Variants in BBS9 observed in about 807,000 individuals in gnomAD.
BBS9 encodes the protein protein PTHB1.
Under a neutral mutation model 117.7 loss-of-function variants are expected in BBS9, and 89 were observed. The ratio of observed to expected loss-of-function variants is 0.76; its 90% confidence interval spans 0.64 to 0.90. The LOEUF (loss-of-function observed/expected upper bound fraction) is 0.90, where lower values mean the gene tolerates loss of function less well. Ranked by LOEUF, BBS9 falls within the 40% of genes least tolerant of loss-of-function variation. The probability of loss-of-function intolerance (pLI) is 0.00; values close to 1 mark genes in which losing one functional copy is unlikely to be tolerated. For missense variants in BBS9, 982 were observed against 1,042.2 expected (o/e 0.94, Z 0.80); for synonymous variants, 379 against 370.9 (o/e 1.02, Z -0.25).
intron 21 of BBS9, among the ~76,000 whole-genome samples, chr7:33,624,293 A>T (rs1243525227): frequency 6.6e-6 from 1 of 152,108 alleles, no homozygotes; most frequent in African/African-American, 2.4e-5. Flanking sequence ...GTCTGTTTAG[A>T]TGTCTATTTC....
intron 4 of BBS9, among the ~76,000 whole-genome samples, chr7:33,169,303 T>TA (rs1796161608): frequency 6.6e-6 from 1 of 150,532 alleles, no homozygotes; most frequent in African/African-American, 2.5e-5. Flanking sequence ...CAGCATGACT[T>TA]AGAGTTCTTT....
At chr7:33,588,570 A>G (rs1861348427) in intron 21 of BBS9, among the ~76,000 whole-genome samples, 1 of 152,178 alleles carries the variant, frequency 6.6e-6, no homozygotes, top group South Asian at 2.1e-4. Flanking sequence ...CTCACAAGTG[A>G]AGACAATAAG....
intron 19 of BBS9, among the ~76,000 whole-genome samples, chr7:33,436,507 A>G (rs1835326895): frequency 6.6e-6 from 1 of 152,228 alleles, no homozygotes; most frequent in Non-Finnish European, 1.5e-5. Context: ...ATTATTTATA[A>G]TCTCAAACTC....
At position 33,264,380 on chromosome 7, in the gene BBS9, G is replaced by A. The variant is rs777329822; in HGVS notation, c.702+6G>A. 1.9e-5 allele frequency: 30 copies of A among 1,553,414 alleles called. No individual in the cohort carries two copies. Among genetic ancestry groups the A allele is most frequent in the Admixed American group, 1.7e-5 (1 of 58,272 alleles). Reference sequence around the variant, plus strand: ...GTTCTGGAAAAAGACTAGTTGTAAGGCCTTTTTTTAATATATAAAAATTTC... The same window carrying A: ...GTTCTGGAAAAAGACTAGTTGTAAGACCTTTTTTTAATATATAAAAATTTC... On this transcript the variant is annotated splice_donor_region_variant and intron_variant, in intron 7 of 22. Coordinates refer to ENST00000242067, the MANE Select transcript of BBS9 (RefSeq NM_198428.3).
chr7:33,283,733 A>G (rs1019054884), intron 9 of BBS9, among the ~76,000 whole-genome samples: 5 of 152,114 alleles, frequency 3.3e-5, no homozygotes, highest in African/African-American at 1.2e-4. Flanking sequence ...ATTTCCACAC[A>G]TACATCTCTT....
chr7:33,373,087 T>C (rs1038469542), intron 17 of BBS9, among the ~76,000 whole-genome samples: 2 of 152,128 alleles, frequency 1.3e-5, no homozygotes, highest in African/African-American at 4.8e-5. Context: ...ACCAGCTCTT[T>C]GTTTTGTTGA....
chr7:33,456,670 CA>C (rs1448891657), intron 19 of BBS9, among the ~76,000 whole-genome samples: 3 of 151,620 alleles, frequency 2.0e-5, no homozygotes, highest in Admixed American at 2.0e-4. Context: ...GTGTCTCTTT[CA>C]GATAGAATGG....
At chr7:33,256,619 TTAAAATC>T (rs1402553577) in intron 5 of BBS9, among the ~76,000 whole-genome samples, 1 of 152,196 alleles carries the variant, frequency 6.6e-6, no homozygotes, top group African/African-American at 2.4e-5. Context: ...TGAGCACTCT[TTAAAATC>T]TAAGTATGCT....
At chr7:33,426,347 G>A (rs939485912) in intron 19 of BBS9, among the ~76,000 whole-genome samples, 20 of 152,118 alleles carry the variant, frequency 1.3e-4, no homozygotes, top group Non-Finnish European at 1.3e-4. Context: ...TTGTACAGAG[G>A]GACTCTGTAA....
At chr7:33,434,084 T>A (rs17170236) in intron 19 of BBS9, among the ~76,000 whole-genome samples, 1 of 151,738 alleles carries the variant, frequency 6.6e-6, no homozygotes, top group South Asian at 2.1e-4. Flanking sequence ...AATTTTCAAA[T>A]ATTTTTTCAT....
chr7:33,244,057 T>C (rs1039416974), intron 5 of BBS9, among the ~76,000 whole-genome samples: 5 of 152,172 alleles, frequency 3.3e-5, no homozygotes, highest in Non-Finnish European at 2.9e-5. Context: ...GATGAAACCC[T>C]GTCTCTAATA....
rs150822953 is a variant in BBS9, at chr7:33,138,764, TG to T, written c.-11-7471del. ...AGACTGGCTAATATTTTTTTTTTGG[TG>T]GGGGGGAAAGATGGGGTCTTGCTAT... On this transcript the variant is annotated intron_variant, in intron 1 of 22. Coordinates refer to ENST00000242067, the MANE Select transcript of BBS9 (RefSeq NM_198428.3). Among the ~76,000 whole-genome samples the T allele has an allele frequency of 2.0e-5, 3 of 149,250 alleles. No homozygotes were observed. In the Admixed American group the frequency reaches 2.0e-4, roughly 10 times the overall value.
In BBS9 at chr7:33,272,994, T is replaced by C. The variant is rs1165729678; in HGVS notation, c.703-18T>C. The C allele has an allele frequency of 1.1e-5, 18 of 1,613,160 alleles. No homozygotes were observed. The highest frequency in any genetic ancestry group is 1.6e-4 in the Middle Eastern group (1 of 6,078). On this transcript the variant is annotated intron_variant, in intron 7 of 22. Coordinates refer to ENST00000242067, the MANE Select transcript of BBS9 (RefSeq NM_198428.3). Reference sequence around the variant, plus strand: ...TCTGAGGTTAGCAACTAAATTGATATTGAGTTTTGCTTTGTAGGTGGATTG... The same window carrying C: ...TCTGAGGTTAGCAACTAAATTGATACTGAGTTTTGCTTTGTAGGTGGATTG...
intron 5 of BBS9, among the ~76,000 whole-genome samples, chr7:33,221,493 A>G (rs1790235834): frequency 6.6e-6 from 1 of 152,214 alleles, no homozygotes; most frequent in Non-Finnish European, 1.5e-5. Flanking sequence ...TTTTATTCTA[A>G]CAAGAAAAAA....
chr7:33,392,002 A>G (rs770506257), intron 19 of BBS9, among the ~76,000 whole-genome samples: 25 of 152,174 alleles, frequency 1.6e-4, no homozygotes, highest in Non-Finnish European at 2.9e-4. Flanking sequence ...AATTATTCTA[A>G]CACTTCTATG....
chr7:33,311,611 G>A (rs940345128), intron 9 of BBS9, among the ~76,000 whole-genome samples: 1 of 152,160 alleles, frequency 6.6e-6, no homozygotes, highest in Non-Finnish European at 1.5e-5. Flanking sequence ...GAGGTCAGGA[G>A]TTCGAGACCA....
chr7:33,173,578 A>AAT (rs1439730893), intron 4 of BBS9, among the ~76,000 whole-genome samples: 1 of 152,092 alleles, frequency 6.6e-6, no homozygotes, highest in South Asian at 2.1e-4. Flanking sequence ...TCCTAAAAAA[A>AAT]AAAAAAAAAA....
chr7:33,573,080 T>A (rs1563382190), intron 21 of BBS9, among the ~76,000 whole-genome samples: 1 of 152,032 alleles, frequency 6.6e-6, no homozygotes, highest in Admixed American at 6.6e-5. Context: ...ATAATTCACA[T>A]GCCACAAAAT....
At chr7:33,129,341 C>T, upstream of BBS9, 1 of 529,198 alleles carries the variant, frequency 1.9e-6, no homozygotes, top group Non-Finnish European at 3.4e-6. Flanking sequence ...CCTTAAGGAA[C>T]TGCTGCCAGG....
Sources: gnomAD v4.1 joint callset for allele counts (sites outside exome capture counted in the v4.1 genomes callset) on GRCh38, gnomAD v4.1.1 for gene constraint, MANE v1.5 for transcripts, NCBI Gene and HGNC (gene_info 2026-07-23, HGNC 2026-07-21) for gene names.